CHGA: variants seen among roughly 807,000 people sequenced by gnomAD.
CHGA encodes the protein chromogranin A, also known as chromogranin-A.
Under a neutral mutation model 54.4 loss-of-function variants are expected in CHGA, and 41 were observed. The observed-to-expected ratio is 0.75, with a 90% CI of 0.59 to 0.98. The LOEUF is 0.98. Ranked by LOEUF, CHGA falls within the 50% of genes least tolerant of loss-of-function variation. CHGA has a pLI of 0.00. For missense variants in CHGA, 576 were observed against 582.3 expected, an observed-to-expected ratio of 0.99 and a Z score of 0.11; for synonymous variants, 249 against 232.8, an observed-to-expected ratio of 1.07 and a Z score of -0.63.
In CHGA at chr14:92,934,495, T is replaced by C. The variant is rs553138933; in HGVS notation, c.1291-306T>C. 1.6e-4 allele frequency among the ~76,000 whole-genome samples: 24 copies of C among 152,184 alleles called. No homozygotes were observed. In the South Asian group the frequency reaches 2.1e-3, roughly 13 times the overall value. ...TCTTCAGGGCACTGTAAGCTTTGTT[T>C]TCCATGTGCCCTAAAAGAACAGACT... On this transcript the variant is annotated intron_variant, in intron 7 of 7. Transcript: ENST00000216492.
In CHGA at chr14:92,932,922, C is replaced by T. The variant is rs1887042372; in HGVS notation, c.1290+71C>T. On this transcript the variant is annotated intron_variant, in intron 7 of 7. Coordinates refer to ENST00000216492, the MANE Select transcript of CHGA (RefSeq NM_001275.4). This position sits in a 1 kb window ranked among gnomAD's most constrained non-coding sequence, Gnocchi z 5.3. ...CAGGGGGCAGCCGCACCCAGACACA[C>T]TGCCCCTGCCCCACTGAGGGGACAG... The T allele has an allele frequency of 3.5e-6, 5 of 1,444,330 alleles. No homozygotes were observed. The East Asian group carries it at 1.3e-4, about 36-fold the overall frequency. The allele number at this position is 1,444,330 out of a possible 1,614,324, so 89.5% of individuals were successfully genotyped here. A position where few individuals can be genotyped will look rare whatever the true frequency, so the allele number is the denominator to read the frequency against.
At chr14:92,923,554 G>A (rs1175438988) in intron 1 of CHGA, 149 bp downstream of exon 1, 4 of 672,804 alleles carry the variant, frequency 5.9e-6, no homozygotes, top group Non-Finnish European at 6.3e-6. Flanking sequence ...TCCGCCTCCC[G>A]CCTGACCCTG....
At position 92,924,233 on chromosome 14, in the gene CHGA, A is replaced by T. The variant is rs1300349953; in HGVS notation, c.81A>T (p.Lys27Asn). ...TCCCTGTGAACAGCCCTATGAATAA[A>T]GGGGATACCGAGGTAAGAAGGGGTG... ...TALPVNSPMNKGDTEVMKCIV... is the reference protein window; with the variant it reads ...TALPVNSPMNNGDTEVMKCIV... The change falls in exon 2 of 8, where the codon AAA becomes AAT. Residue 27 changes from lysine to asparagine, a missense_variant. By Grantham distance (94) the Lys-to-Asn change is moderately conservative. Transcript: ENST00000216492. 9 of 1,612,150 alleles carry T rather than the reference A, an allele frequency of 5.6e-6. No homozygotes were observed. The highest frequency in any genetic ancestry group is 6.8e-6 in the Non-Finnish European group (8 of 1,179,534).
rs9658665 is a variant in CHGA, at chr14:92,932,556, T to C, written c.995T>C (p.Leu332Pro). 1.9e-3 allele frequency: 2,999 copies of C among 1,556,056 alleles called. 55 individuals are homozygous for C. The African/African-American group carries it at 0.037, about 19-fold the overall frequency. ...GAGCTGGAGCAGGAGGAGGAGCGGC[T>C]CTCCAAGGAGTGGGAGGACTCCAAA... ...SGELEQEEER[L>P]SKEWEDSKRW... is the part of the protein sequence containing the mutation. The change falls in exon 7 of 8, where the codon CTC (leucine) becomes CCC (proline). Residue 332 changes from leucine to proline, a missense_variant. Physicochemically the swap from Leu to Pro is moderately conservative, Grantham distance 98. Transcript: ENST00000216492. The surrounding 1 kb of genome is among the most constrained non-coding windows in gnomAD (Gnocchi z 5.3).
At chr14:92,929,841 G>A (rs768839979) in intron 5 of CHGA, 26 bp downstream of exon 5, 2 of 1,598,244 alleles carry the variant, frequency 1.3e-6, no homozygotes, top group Non-Finnish European at 1.7e-6. Flanking sequence ...TCTGGCCGGA[G>A]GTGGGGAAGG....
At chr14:92,924,348 C>A in intron 2 of CHGA, 103 bp downstream of exon 2, 1 of 1,155,994 alleles carries the variant, frequency 8.7e-7, no homozygotes, top group Non-Finnish European at 1.2e-6. Context: ...AGCCAAGAGC[C>A]AGCACTGCGG....
chr14:92,934,362 G>A (rs1272260138), intron 7 of CHGA, among the ~76,000 whole-genome samples: 1 of 152,186 alleles, frequency 6.6e-6, no homozygotes, highest in Non-Finnish European at 1.5e-5. Flanking sequence ...CCTGTCTCAG[G>A]CCCCACATTC....
intron 1 of CHGA, 35 bp downstream of exon 1, chr14:92,923,440 C>A (rs1886825286): frequency 8.0e-7 from 1 of 1,250,794 alleles, no homozygotes; most frequent in South Asian, 3.2e-5. Flanking sequence ...GGAGAGGGTT[C>A]CGGGCGCCCC....
upstream of CHGA, chr14:92,923,102 C>T: frequency 3.2e-6 from 1 of 312,120 alleles, no homozygotes; most frequent in Non-Finnish European, 5.9e-6. Context: ...CCGCTGACGT[C>T]ATTTCCGGGG....
Position 92,932,690 on chromosome 14 carries a change from CG to C in CHGA, c.1132del (p.Ala378ProfsTer157). ...NRDSSMKLSF[R>X]ARAYGFRGPG... Reference sequence around the variant, plus strand: ...GGACAGTTCCATGAAGCTCTCCTTCCGGGCCCGGGCCTACGGCTTCAGGGGC... The same window carrying C: ...GGACAGTTCCATGAAGCTCTCCTTCCGGCCCGGGCCTACGGCTTCAGGGGC... On this transcript the variant is annotated frameshift_variant, in exon 7 of 8. Transcript: ENST00000216492. LOFTEE classifies it high-confidence loss of function. This position sits in a 1 kb window ranked among gnomAD's most constrained non-coding sequence, Gnocchi z 5.3. The C allele has an allele frequency of 6.2e-7, 1 of 1,610,276 alleles. No individual in the cohort carries two copies. The highest frequency in any genetic ancestry group is 1.1e-5 in the South Asian group (1 of 90,264).
At chr14:92,926,499 C>A in intron 2 of CHGA, 106 bp from the exon 3 acceptor site, 1 of 902,278 alleles carries the variant, frequency 1.1e-6, no homozygotes, top group Non-Finnish European at 1.8e-6. Context: ...CTCCCAAAGA[C>A]AAAAGCAAAT....
Position 92,923,412 on chromosome 14 carries a change from G to C in CHGA, c.46+7G>C. The C allele has an allele frequency of 7.9e-7, 1 of 1,257,864 alleles. No homozygotes were observed. Among genetic ancestry groups the C allele is most frequent in the Non-Finnish European group, 1.0e-6 (1 of 1,002,116 alleles). 77.9% of individuals were successfully genotyped at this position (1,257,864 alleles called of 1,614,324 possible). Reference sequence around the variant, plus strand: ...CTGCTCTGCGCCGGGCAAGGTGAGCGAGCGCGGGGAGCTCGCGGGAGAGGG... The same window carrying C: ...CTGCTCTGCGCCGGGCAAGGTGAGCCAGCGCGGGGAGCTCGCGGGAGAGGG... On this transcript the variant is annotated splice_region_variant and intron_variant, in intron 1 of 7. Coordinates refer to ENST00000216492, the MANE Select transcript of CHGA (RefSeq NM_001275.4).
At chr14:92,924,743 C>T (rs551337185) in intron 2 of CHGA, among the ~76,000 whole-genome samples, 1 of 152,362 alleles carries the variant, frequency 6.6e-6, no homozygotes, top group Admixed American at 6.5e-5. Flanking sequence ...TTGATCATGG[C>T]TCCTGCACCC....
At position 92,926,398 on chromosome 14, in the gene CHGA, G is replaced by A. The variant is rs905613828; in HGVS notation, c.94-207G>A. On this transcript the variant is annotated intron_variant, in intron 2 of 7. Coordinates refer to ENST00000216492, the MANE Select transcript of CHGA (RefSeq NM_001275.4). Reference sequence around the variant, plus strand: ...CATGTGGTTGGAGTGGCTGACACATGGTAAGCACTGTGTTAAGGGTTTTCT... The same window carrying A: ...CATGTGGTTGGAGTGGCTGACACATAGTAAGCACTGTGTTAAGGGTTTTCT... 8.6e-6 allele frequency: 5 copies of A among 579,816 alleles called. No individual in the cohort carries two copies. The Admixed American group carries it at 1.5e-4, about 17-fold the overall frequency. The allele number at this position is 579,816 out of a possible 1,614,324, so 35.9% of individuals were successfully genotyped here.
At chr14:92,924,015 G>A (rs1886839720) in intron 1 of CHGA, among the ~76,000 whole-genome samples, 184 bp from the exon 2 acceptor site, 1 of 152,220 alleles carries the variant, frequency 6.6e-6, no homozygotes, top group Non-Finnish European at 1.5e-5. Context: ...TGCAGCCTCT[G>A]GGGACCACCC....
intron 5 of CHGA, among the ~76,000 whole-genome samples, chr14:92,930,067 G>A (rs1257602484): frequency 6.6e-6 from 1 of 152,232 alleles, no homozygotes; most frequent in African/African-American, 2.4e-5. Context: ...CCCAGAAGAG[G>A]GGCTGGCACT....
intron 4 of CHGA, among the ~76,000 whole-genome samples, chr14:92,929,131 G>A (rs943310288): frequency 5.3e-5 from 8 of 152,374 alleles, no homozygotes; most frequent in Middle Eastern, 3.4e-3. Context: ...GCGGCGGGGG[G>A]AGAGGGGTCT....
Position 92,932,896 on chromosome 14 carries a change from G to A in CHGA, c.1290+45G>A. On this transcript the variant is annotated intron_variant, in intron 7 of 7. Transcript: ENST00000216492. The surrounding 1 kb of genome is among the most constrained non-coding windows in gnomAD (Gnocchi z 5.3). ...CAGCTCTGTGCCAGGCCACGGAGCAGCAGGGGGCAGCCGCACCCAGACACA... is the reference window on the plus strand; with the variant it reads ...CAGCTCTGTGCCAGGCCACGGAGCAACAGGGGGCAGCCGCACCCAGACACA... 6.9e-7 allele frequency: 1 copy of A among 1,452,108 alleles called. No homozygotes were observed. The highest frequency in any genetic ancestry group is 1.5e-5 in the South Asian group (1 of 67,824). 90.0% of individuals were successfully genotyped at this position (1,452,108 alleles called of 1,614,324 possible).
At position 92,935,031 on chromosome 14, in the gene CHGA, C is replaced by G; in HGVS notation, c.*147C>G. ...CCAAGCCCAGGCCACCCTATCGCCC[C>G]CTACGCGCCTTGTCTCCTACTCCTG... On this transcript the variant is annotated 3_prime_UTR_variant, in exon 8 of 8. Transcript: ENST00000216492. 4.9e-6 allele frequency: 3 copies of G among 610,160 alleles called. No individual in the cohort carries two copies. The highest frequency in any genetic ancestry group is 5.5e-6 in the Non-Finnish European group (2 of 364,712). 37.8% of individuals were successfully genotyped at this position (610,160 alleles called of 1,614,324 possible).
Sources: gnomAD v4.1 joint callset for allele counts (sites outside exome capture counted in the v4.1 genomes callset) on GRCh38, gnomAD v4.1.1 for gene constraint, Gnocchi (gnomAD v3.1) non-coding constraint, MANE v1.5 for transcripts, NCBI Gene and HGNC (gene_info 2026-07-23, HGNC 2026-07-21) for gene names.